Variants in IFT81 observed in about 807,000 individuals in gnomAD.
IFT81 encodes intraflagellar transport protein 81 homolog.
IFT81 carries 72 observed loss-of-function variants against 102.6 expected under a neutral mutation model. The ratio of observed to expected loss-of-function variants is 0.70; its 90% confidence interval spans 0.58 to 0.85. The LOEUF (loss-of-function observed/expected upper bound fraction) is 0.85. Among genes scored for constraint, IFT81 ranks in the 40% least tolerant of loss-of-function variants. The pLI is 0.00. For synonymous variants in IFT81, 237 were observed against 242.7 expected (o/e 0.98, Z 0.22); for missense variants, 723 against 787.3 (o/e 0.92, Z 0.98).
At position 110,136,832 on chromosome 12, in the gene IFT81, C is replaced by G. The variant is rs1271678838; in HGVS notation, c.753C>G (p.Arg251=). The part of the protein sequence containing the change: ...QRVQNQLKSM[R]QAAADAKPES... ...TACAAAACCAGCTGAAAAGCATGCG[C>G]CAAGCTGCAGCAGATGCAAAGCCTG... The change falls in exon 8 of 19, where the codon CGC becomes CGG. Residue 251 remains arginine, a synonymous_variant. Transcript: ENST00000242591. 1.9e-6 allele frequency: 3 copies of G among 1,611,632 alleles called. No individual in the cohort carries two copies. Among genetic ancestry groups the G allele is most frequent in the African/African-American group, 2.7e-5 (2 of 74,844 alleles).
chr12:110,169,603 C>G (rs1896641111), intron 11 of IFT81, among the ~76,000 whole-genome samples: 1 of 152,240 alleles, frequency 6.6e-6, no homozygotes, highest in African/African-American at 2.4e-5. Flanking sequence ...CACTCTGTCA[C>G]TCAGGCTGGA....
chr12:110,142,997 T>C (rs1334978430), intron 8 of IFT81, among the ~76,000 whole-genome samples: 2 of 152,158 alleles, frequency 1.3e-5, no homozygotes, highest in Non-Finnish European at 2.9e-5. Flanking sequence ...GCACCTGGGT[T>C]AGATTTTATT....
chr12:110,150,691 C>T (rs561054911), intron 10 of IFT81, among the ~76,000 whole-genome samples: 2 of 152,074 alleles, frequency 1.3e-5, no homozygotes, highest in African/African-American at 2.4e-5. Context: ...ATAAAAGTAC[C>T]AGTAATACCA....
intron 14 of IFT81, among the ~76,000 whole-genome samples, chr12:110,197,069 C>T (rs979947932): frequency 5.3e-5 from 8 of 151,954 alleles, no homozygotes; most frequent in Middle Eastern, 3.2e-3. Context: ...CATGGGAGCA[C>T]ACATCTATAG....
At chr12:110,146,777 T>C (rs1895248058) in intron 9 of IFT81, among the ~76,000 whole-genome samples, 176 bp from the exon 10 acceptor site, 1 of 151,864 alleles carries the variant, frequency 6.6e-6, no homozygotes, top group Non-Finnish European at 1.5e-5. Context: ...AAAATCAGTC[T>C]GGGCAACATA....
intron 9 of IFT81, among the ~76,000 whole-genome samples, chr12:110,145,556 C>T (rs1204073823): frequency 1.3e-5 from 2 of 150,340 alleles, no homozygotes; most frequent in Non-Finnish European, 1.5e-5. Flanking sequence ...TCTGCCTCAG[C>T]CTCCCCAGTA....
intron 8 of IFT81, 89 bp from the exon 9 acceptor site, chr12:110,143,293 C>T (rs1039688847): frequency 2.0e-5 from 15 of 750,746 alleles, no homozygotes; most frequent in South Asian, 1.8e-4. Flanking sequence ...ACAAATATGC[C>T]GTATCCAGGT....
chr12:110,180,587 C>G lies in IFT81; in HGVS notation c.1338+16C>G, dbSNP rs1237469172. On this transcript the variant is annotated intron_variant, in intron 12 of 18. Transcript: ENST00000242591. Reference sequence around the variant, plus strand: ...ACAACAACTGGTAATACAGTATTATCTTGGGCTACTATAAATACAAATGCC... The same window carrying G: ...ACAACAACTGGTAATACAGTATTATGTTGGGCTACTATAAATACAAATGCC... 1 of 1,575,142 alleles carries G rather than the reference C, an allele frequency of 6.3e-7. No individual in the cohort carries two copies. The highest frequency in any genetic ancestry group is 1.3e-5 in the African/African-American group (1 of 74,382).
intron 11 of IFT81, among the ~76,000 whole-genome samples, chr12:110,176,360 C>G (rs547952401): frequency 1.3e-5 from 2 of 152,280 alleles, no homozygotes; most frequent in South Asian, 4.1e-4. Context: ...ACCTCTCCAG[C>G]TACCATTTTG....
At chr12:110,198,380 T>C (rs1425095892) in intron 14 of IFT81, among the ~76,000 whole-genome samples, 1 of 152,126 alleles carries the variant, frequency 6.6e-6, no homozygotes, top group Non-Finnish European at 1.5e-5. Flanking sequence ...TTTTAGGTAA[T>C]ATCTTCCCTA....
chr12:110,202,456 C>T (rs1016235899), intron 14 of IFT81, among the ~76,000 whole-genome samples: 2 of 151,284 alleles, frequency 1.3e-5, no homozygotes, highest in African/African-American at 4.9e-5. Context: ...TGTGATTCCA[C>T]CTTTTTTTTT....
rs758023370 is a variant in IFT81 at position 110,136,795 on chromosome 12, G to T, written c.716G>T (p.Arg239Ile). The T allele has an allele frequency of 1.9e-6, 3 of 1,611,260 alleles. No individual in the cohort carries two copies. The highest frequency in any genetic ancestry group is 2.2e-5 in the East Asian group (1 of 44,824). ...QKNQLFHAVQRLQRVQNQLKS... is the reference protein window; with the variant it reads ...QKNQLFHAVQILQRVQNQLKS... ...TTAAAGCTATTTCATGCAGTGCAAA[G>T]ATTGCAAAGAGTACAAAACCAGCTG... is the stretch of plus-strand genomic sequence containing the variant. Residue 239 changes from arginine to isoleucine, a missense_variant, in exon 8 of 19, where the codon AGA becomes ATA. Coordinates refer to ENST00000242591, the MANE Select transcript of IFT81 (RefSeq NM_014055.4).
At chr12:110,147,740 C>A (rs1222643638) in intron 10 of IFT81, among the ~76,000 whole-genome samples, 1 of 152,160 alleles carries the variant, frequency 6.6e-6, no homozygotes, top group Non-Finnish European at 1.5e-5. Context: ...CCTCATGTGT[C>A]CCTGAGCTAC....
At chr12:110,208,130 T>C (rs1224718913) in intron 17 of IFT81, among the ~76,000 whole-genome samples, 3 of 152,180 alleles carry the variant, frequency 2.0e-5, no homozygotes, top group African/African-American at 7.2e-5. Flanking sequence ...TCTGTATATA[T>C]GTGTGTTAGT....
chr12:110,182,337 C>T (rs1897339272), intron 12 of IFT81, among the ~76,000 whole-genome samples: 1 of 152,186 alleles, frequency 6.6e-6, no homozygotes, highest in Non-Finnish European at 1.5e-5. Flanking sequence ...TGGAAACTCT[C>T]ATTGCTACAT....
At chr12:110,158,889 AT>A (rs1895990392) in intron 10 of IFT81, among the ~76,000 whole-genome samples, 1 of 132,056 alleles carries the variant, frequency 7.6e-6, no homozygotes, top group East Asian at 2.2e-4. Context: ...CGCCCGGCCA[AT>A]TTTTTGTATT....
chr12:110,154,628 CAA>C (rs201856295), intron 10 of IFT81, among the ~76,000 whole-genome samples: 6 of 53,656 alleles, frequency 1.1e-4, no homozygotes, highest in Admixed American at 3.9e-4. Flanking sequence ...CTCTGTCTCA[CAA>C]AAAAAAAAAA....
intron 11 of IFT81, chr12:110,168,503 A>G (rs1238856048): frequency 1.1e-6 from 1 of 935,462 alleles, no homozygotes; most frequent in African/African-American, 1.8e-5. Context: ...AAAAATGCAT[A>G]AACGATTATA....
Position 110,155,881 on chromosome 12 carries a change from C to G in IFT81, c.1042-7038C>G, listed in dbSNP as rs1895812149. ...TTGTGGTTACCATGGGGATTACATC[C>G]TGAAGTTATATCACTGTAATTTGAA... On this transcript the variant is annotated intron_variant, in intron 10 of 18. Transcript: ENST00000242591. Among the ~76,000 whole-genome samples, 4 of 152,168 alleles carry G rather than the reference C, an allele frequency of 2.6e-5. No homozygotes were observed. In the South Asian group the frequency reaches 8.3e-4, roughly 32 times the overall value.
Sources: gnomAD v4.1 joint callset for allele counts (sites outside exome capture counted in the v4.1 genomes callset) on GRCh38, gnomAD v4.1.1 for gene constraint, MANE v1.5 for transcripts, NCBI Gene and HGNC (gene_info 2026-07-23, HGNC 2026-07-21) for gene names.